The following ZNF804B variants were observed in gnomAD, a reference collection of about 807,000 sequenced individuals.
ZNF804B encodes zinc finger protein 804B, also known as zinc finger 804B.
In ZNF804B, 80 loss-of-function variants were observed where a neutral mutation model predicts 101.4. The observed-to-expected ratio is 0.79, with a 90% CI of 0.66 to 0.95. The LOEUF (loss-of-function observed/expected upper bound fraction) is 0.95. Ranked by LOEUF, ZNF804B falls within the 40% of genes least tolerant of loss-of-function variation. The probability of loss-of-function intolerance (pLI) is 0.00; values close to 1 mark genes in which losing one functional copy is unlikely to be tolerated. For synonymous variants in ZNF804B, 622 were observed against 558.8 expected (o/e 1.11, Z -1.59); for missense variants, 1,673 against 1,561.9 (o/e 1.07, Z -1.20).
intron 1 of ZNF804B, among the ~76,000 whole-genome samples, chr7:89,089,560 T>C (rs1408594987): frequency 2.0e-5 from 3 of 151,860 alleles, no homozygotes; most frequent in Non-Finnish European, 4.4e-5. Context: ...AAAAAATTTT[T>C]TTTTGCACCC....
chr7:89,206,879 G>A (rs1247439090), intron 1 of ZNF804B, among the ~76,000 whole-genome samples: 1 of 152,164 alleles, frequency 6.6e-6, no homozygotes, highest in Non-Finnish European at 1.5e-5. Flanking sequence ...TCTCTCTCAA[G>A]TTCAAAGTTT....
At chr7:88,792,171 T>C (rs1339579534) in intron 1 of ZNF804B, among the ~76,000 whole-genome samples, 1 of 152,012 alleles carries the variant, frequency 6.6e-6, no homozygotes, top group Non-Finnish European at 1.5e-5. Flanking sequence ...TTGTATTTTA[T>C]CGGTTAAGGC....
At chr7:88,903,894 G>C (rs988093146) in intron 1 of ZNF804B, among the ~76,000 whole-genome samples, 4 of 152,088 alleles carry the variant, frequency 2.6e-5, no homozygotes, top group African/African-American at 9.7e-5. Flanking sequence ...CCATTCTGTA[G>C]GTTTTCTGTT....
chr7:89,205,528 G>T (rs992433046), intron 1 of ZNF804B, among the ~76,000 whole-genome samples: 2 of 152,126 alleles, frequency 1.3e-5, no homozygotes, highest in African/African-American at 4.8e-5. Context: ...AAAACAAAGG[G>T]GGTTTAGGCC....
chr7:89,033,291 A>T (rs1190482160), intron 1 of ZNF804B, among the ~76,000 whole-genome samples: 3 of 152,112 alleles, frequency 2.0e-5, no homozygotes, highest in Non-Finnish European at 4.4e-5. Flanking sequence ...CAAATGAAGG[A>T]ATTTCTTTAT....
intron 1 of ZNF804B, among the ~76,000 whole-genome samples, chr7:88,828,527 T>C (rs1791081611): frequency 6.6e-6 from 1 of 152,074 alleles, no homozygotes; most frequent in African/African-American, 2.4e-5. Flanking sequence ...CTCTTATCCA[T>C]CCATTTTCAA....
chr7:89,027,244 CAG>C (rs146841345), intron 1 of ZNF804B, among the ~76,000 whole-genome samples: 8 of 150,250 alleles, frequency 5.3e-5, no homozygotes, highest in Middle Eastern at 3.2e-3. Context: ...GAAAAAAAGC[CAG>C]AGAGAGAGAG....
intron 1 of ZNF804B, among the ~76,000 whole-genome samples, chr7:89,030,258 A>G (rs151134802): frequency 6.6e-6 from 1 of 152,192 alleles, no homozygotes; most frequent in African/African-American, 2.4e-5. Context: ...CTGAAGTCTC[A>G]TCAATACATA....
chr7:89,008,287 A>G (rs967149666), intron 1 of ZNF804B, among the ~76,000 whole-genome samples: 2 of 152,166 alleles, frequency 1.3e-5, no homozygotes, highest in African/African-American at 2.4e-5. Flanking sequence ...ACAAAAAACC[A>G]AACAGATTCT....
chr7:88,862,099 C>G (rs116214885), intron 1 of ZNF804B, among the ~76,000 whole-genome samples: 4,310 of 152,268 alleles, frequency 0.028, 215 homozygotes, highest in African/African-American at 0.098. Flanking sequence ...ATAACGTACT[C>G]AGTTTAATAG....
chr7:89,193,752 G>A (rs1248727987), intron 1 of ZNF804B, among the ~76,000 whole-genome samples: 1 of 151,974 alleles, frequency 6.6e-6, no homozygotes, highest in Non-Finnish European at 1.5e-5. Context: ...TTGCTATTGT[G>A]AATAGTGCCA....
chr7:89,067,684 A>G (rs1018365310), intron 1 of ZNF804B, among the ~76,000 whole-genome samples: 10 of 152,174 alleles, frequency 6.6e-5, no homozygotes, highest in African/African-American at 2.2e-4. Context: ...GTAAAATTTT[A>G]CAAAGGGAAG....
chr7:88,795,056 A>G, intron 1 of ZNF804B: 2 of 891,428 alleles, frequency 2.2e-6, no homozygotes, highest in Non-Finnish European at 3.3e-6. Flanking sequence ...TCTGACAAAA[A>G]AAAAAAGAGT....
chr7:88,856,419 G>A (rs1791560113), intron 1 of ZNF804B, among the ~76,000 whole-genome samples: 1 of 152,104 alleles, frequency 6.6e-6, no homozygotes, highest in South Asian at 2.1e-4. Flanking sequence ...TCTGTTGTTG[G>A]TGTATAAGAA....
intron 1 of ZNF804B, among the ~76,000 whole-genome samples, chr7:89,212,274 CACACACACACACACAA>C (rs891999524): frequency 3.2e-5 from 4 of 125,494 alleles, no homozygotes; most frequent in South Asian, 2.6e-4. Context: ...CACACACACA[CACACACACACACACAA>C]ACAGACTGCA....
chr7:89,182,670 A>T (rs190345567), intron 1 of ZNF804B, among the ~76,000 whole-genome samples: 4 of 152,282 alleles, frequency 2.6e-5, no homozygotes, highest in African/African-American at 9.6e-5. Flanking sequence ...AACAGTAGGT[A>T]GTATAGAGCT....
At chr7:89,306,948 T>G (rs1790572096) in intron 2 of ZNF804B, among the ~76,000 whole-genome samples, 1 of 151,928 alleles carries the variant, frequency 6.6e-6, no homozygotes, top group Non-Finnish European at 1.5e-5. Flanking sequence ...AGAATGAGGA[T>G]GATGATACAT....
At chr7:88,930,634 A>G (rs144855499) in intron 1 of ZNF804B, among the ~76,000 whole-genome samples, 1 of 152,038 alleles carries the variant, frequency 6.6e-6, no homozygotes, top group East Asian at 1.9e-4. Flanking sequence ...TGAGTGAATT[A>G]AGACATCGTG....
chr7:88,994,958 C>CT (rs1167195193), intron 1 of ZNF804B, among the ~76,000 whole-genome samples: 1 of 152,026 alleles, frequency 6.6e-6, no homozygotes, highest in Admixed American at 6.6e-5. Context: ...TCAACACACA[C>CT]ATAAGAAACA....
Sources: gnomAD v4.1 joint callset for allele counts (sites outside exome capture counted in the v4.1 genomes callset) on GRCh38, gnomAD v4.1.1 for gene constraint, MANE v1.5 for transcripts, NCBI Gene and HGNC (gene_info 2026-07-23, HGNC 2026-07-21) for gene names.